Variants in IL11 observed in about 807,000 individuals in gnomAD.
The protein encoded by IL11 is interleukin-11.
In IL11, 17 loss-of-function variants were observed where a neutral mutation model predicts 18.1. That is an observed-to-expected ratio of 0.94 (90% CI 0.64 to 1.41). IL11 has a LOEUF of 1.41. Among genes scored for constraint, IL11 ranks in the 40% most tolerant of loss-of-function variants. IL11 has a pLI of 0.00. For missense variants in IL11, 309 were observed against 262.8 expected, an observed-to-expected ratio of 1.18 and a Z score of -1.22; for synonymous variants, 144 against 134.1, an observed-to-expected ratio of 1.07 and a Z score of -0.51.
chr19:55,368,747 GC>G, intron 2 of IL11, 21 bp downstream of exon 2: 2 of 1,558,646 alleles, frequency 1.3e-6, no homozygotes, highest in Non-Finnish European at 8.7e-7. Flanking sequence ...TCCTGTGCTG[GC>G]CCCAGCCCAG....
rs1375202145 is a variant in IL11 at position 55,368,236 on chromosome 19, G to A, written c.403C>T (p.Arg135Trp). 19 of 1,538,556 alleles carry A rather than the reference G, an allele frequency of 1.2e-5. No homozygotes were observed. The highest frequency in any genetic ancestry group is 1.7e-5 in the Non-Finnish European group (19 of 1,139,268). ...AGGAGCTGCAGCCGGCGCAGCAGCC[G>A]GTCCAGTCGGGCCTGCAGGGTGCCC... ...ELGTLQARLD[R>W]LLRRLQLLMS... The change falls in exon 4 of 5, where the codon CGG becomes TGG. Residue 135 changes from arginine to tryptophan, a missense_variant. Arg to Trp is a moderately radical substitution (Grantham distance 101). Coordinates refer to ENST00000264563, the MANE Select transcript of IL11 (RefSeq NM_000641.4).
chr19:55,368,395 G>A (rs1252480862), intron 3 of IL11, 24 bp from the exon 4 acceptor site: 1 of 1,588,938 alleles, frequency 6.3e-7, no homozygotes, highest in East Asian at 2.3e-5. Context: ...CGGGACATCA[G>A]AGAACACCCG....
rs1237450803 is a variant in IL11 at position 55,368,228 on chromosome 19, C to G, written c.411G>C (p.Leu137=). ...GTLQARLDRL[L]RRLQLLMSRL... ...GACATACCAGGAGCTGCAGCCGGCG[C>G]AGCAGCCGGTCCAGTCGGGCCTGCA... The change falls in exon 4 of 5, where the codon CTG becomes CTC. Residue 137 remains leucine (L), a synonymous_variant. Coordinates refer to ENST00000264563, the MANE Select transcript of IL11 (RefSeq NM_000641.4). 4.6e-6 allele frequency: 7 copies of G among 1,534,616 alleles called. No individual in the cohort carries two copies. In the African/African-American group the frequency reaches 9.6e-5, roughly 21 times the overall value.
Position 55,368,902 on chromosome 19 carries a change from G to A in IL11, c.47C>T (p.Pro16Leu). Residue 16 changes from proline to leucine, a missense_variant, in exon 2 of 5, where the codon CCA becomes CTA. Physicochemically the swap from Pro to Leu is moderately conservative, Grantham distance 98. Coordinates refer to ENST00000264563, the MANE Select transcript of IL11 (RefSeq NM_000641.4). The part of the protein sequence containing the change: ...RLVLVVLSLW[P>L]DTAVAPGPPP... ...TGGCCCAGGGGCGACAGCTGTATCT[G>A]GCCACAGGCTCAGCACGACCAGGAC... The A allele has an allele frequency of 1.3e-6, 2 of 1,556,294 alleles. No individual in the cohort carries two copies. The highest frequency in any genetic ancestry group is 1.7e-6 in the Non-Finnish European group (2 of 1,148,964).
Position 55,368,248 on chromosome 19 carries a change from C to A in IL11, c.391G>T (p.Ala131Ser), listed in dbSNP as rs993838218. ...TLEPELGTLQARLDRLLRRLQ... is the reference protein window; with the variant it reads ...TLEPELGTLQSRLDRLLRRLQ... ...CGGCGCAGCAGCCGGTCCAGTCGGG[C>A]CTGCAGGGTGCCCAGCTCGGGCTCC... Residue 131 changes from alanine (A) to serine (S), a missense_variant, in exon 4 of 5, where the codon GCC becomes TCC. Coordinates refer to ENST00000264563, the MANE Select transcript of IL11 (RefSeq NM_000641.4). 3.2e-6 allele frequency: 5 copies of A among 1,546,718 alleles called. No individual in the cohort carries two copies. The Admixed American group carries it at 7.8e-5, about 24-fold the overall frequency.
At position 55,366,043 on chromosome 19, in the gene IL11, G is replaced by C. The variant is rs780734097; in HGVS notation, c.564C>G (p.Ala188=). The C allele has an allele frequency of 1.0e-5, 16 of 1,603,410 alleles. No individual in the cohort carries two copies. Among genetic ancestry groups the C allele is most frequent in the Non-Finnish European group, 1.3e-5 (15 of 1,176,178 alleles). Residue 188 remains alanine (A), a synonymous_variant, in exon 5 of 5, where the codon GCC becomes GCG. Transcript: ENST00000264563. The surrounding 1 kb of genome is among the most constrained non-coding windows in gnomAD (Gnocchi z 4.6). ...LGGLHLTLDW[A]VRGLLLLKTR... ...TCTTCAGCAGCAGCAGTCCCCTCAC[G>C]GCCCAGTCAAGTGTCAGGTGCAGCC...
chr19:55,368,769 C>G lies in IL11; in HGVS notation c.180G>C (p.Leu60=). ...LADTRQLAAQ[L]RDKFPADGDH... ...CTGGCCCCAGCCCAGTCTCTCCTAC[C>G]AGCTGTGCAGCCAGCTGCCGCGTGT... The change falls in exon 2 of 5, where the codon CTG becomes CTC. Residue 60 remains leucine, a splice_region_variant and synonymous_variant. Coordinates refer to ENST00000264563, the MANE Select transcript of IL11 (RefSeq NM_000641.4). The G allele has an allele frequency of 6.3e-7, 1 of 1,577,498 alleles. No homozygotes were observed.
In IL11 at chr19:55,368,484, T is replaced by C; in HGVS notation, c.266A>G (p.Gln89Arg). ...AMSAGALGAL[Q>R]LPGVLTRLRA... ...CCCAGCCCACTCCCTTGCCCTTACCTGTAGAGCTCCCAGTGCCCCCGCACT... is the reference window on the plus strand; with the variant it reads ...CCCAGCCCACTCCCTTGCCCTTACCCGTAGAGCTCCCAGTGCCCCCGCACT... Residue 89 changes from glutamine to arginine, a missense_variant and splice_region_variant, in exon 3 of 5, where the codon CAG becomes CGG. Gln to Arg is a conservative substitution (Grantham distance 43). Coordinates refer to ENST00000264563, the MANE Select transcript of IL11 (RefSeq NM_000641.4). The C allele has an allele frequency of 2.5e-6, 4 of 1,609,236 alleles. No homozygotes were observed. Among genetic ancestry groups the C allele is most frequent in the Non-Finnish European group, 3.4e-6 (4 of 1,177,446 alleles).
chr19:55,366,133 C>T lies in IL11; in HGVS notation c.474G>A (p.Ala158=), dbSNP rs771371821. The change falls in exon 5 of 5, where the codon GCG becomes GCA. Residue 158 remains alanine, a synonymous_variant. Transcript: ENST00000264563. This position sits in a 1 kb window ranked among gnomAD's most constrained non-coding sequence, Gnocchi z 4.6. ...ALPQPPPDPP[A]PPLAPPSSAW... Reference sequence around the variant, plus strand: ...CTGAGGAGGGGGGCGCCAGCGGGGGCGCCGGCGGGTCCGGGGGTGGCTGGG... The same window carrying T: ...CTGAGGAGGGGGGCGCCAGCGGGGGTGCCGGCGGGTCCGGGGGTGGCTGGG... 75 of 1,522,946 alleles carry T rather than the reference C, an allele frequency of 4.9e-5. No individual in the cohort carries two copies. Among genetic ancestry groups the T allele is most frequent in the African/African-American group, 9.8e-5 (7 of 71,478 alleles). 94.3% of individuals were successfully genotyped at this position (1,522,946 alleles called of 1,614,324 possible). A position where few individuals can be genotyped will look rare whatever the true frequency, so the allele number is the denominator to read the frequency against.
chr19:55,368,601 T>C, intron 2 of IL11, 32 bp from the exon 3 acceptor site: 1 of 1,575,296 alleles, frequency 6.3e-7, no homozygotes, highest in Non-Finnish European at 8.6e-7. Context: ...AGGTGGCCCC[T>C]GCCCAGCCTC....
chr19:55,366,101 C>G lies in IL11; in HGVS notation c.506G>C (p.Gly169Ala). 6.4e-7 allele frequency: 1 copy of G among 1,571,860 alleles called. No individual in the cohort carries two copies. Among genetic ancestry groups the G allele is most frequent in the Non-Finnish European group, 8.6e-7 (1 of 1,160,158 alleles). The stretch of plus-strand genomic sequence containing the variant: ...GATGGCGTGGGCGGCCCTGATGCCC[C>G]CCCAGGCTGAGGAGGGGGGCGCCAG... ...PPLAPPSSAW[G>A]GIRAAHAILG... The change falls in exon 5 of 5, where the codon GGG becomes GCG. Residue 169 changes from glycine (G) to alanine (A), a missense_variant. Transcript: ENST00000264563. This position sits in a 1 kb window ranked among gnomAD's most constrained non-coding sequence, Gnocchi z 4.6.
At position 55,368,368 on chromosome 19, in the gene IL11, G is replaced by C; in HGVS notation, c.271C>G (p.Pro91Ala). ...SAGALGALQL[P>A]GVLTRLRADL... ...GCTCGCAGCCTTGTCAGCACACCTG[G>C]GAGCTGGGGATAGAGCCGGGACATC... The change falls in exon 4 of 5, where the codon CCA becomes GCA. Residue 91 changes from proline (P) to alanine (A), a missense_variant. Physicochemically the swap from Pro to Ala is conservative, Grantham distance 27. Transcript: ENST00000264563. 6.3e-7 allele frequency: 1 copy of C among 1,595,786 alleles called. No homozygotes were observed. Among genetic ancestry groups the C allele is most frequent in the Middle Eastern group, 1.7e-4 (1 of 6,026 alleles).
rs1363387443 is a variant in IL11, at chr19:55,368,790, C to T, written c.159G>A (p.Thr53=). The T allele has an allele frequency of 6.3e-7, 1 of 1,588,978 alleles. No homozygotes were observed. Among genetic ancestry groups the T allele is most frequent in the Non-Finnish European group, 8.6e-7 (1 of 1,168,338 alleles). Reference sequence around the variant, plus strand: ...CTACCAGCTGTGCAGCCAGCTGCCGCGTGTCCGCCAGGAGAGAGCGGGTCA... The same window carrying T: ...CTACCAGCTGTGCAGCCAGCTGCCGTGTGTCCGCCAGGAGAGAGCGGGTCA... ...VLLTRSLLAD[T]RQLAAQLRDK... is the part of the protein sequence containing the mutation. The change falls in exon 2 of 5, where the codon ACG becomes ACA. Residue 53 remains threonine (T), a synonymous_variant. Transcript: ENST00000264563.
At position 55,366,098 on chromosome 19, in the gene IL11, C is replaced by G. The variant is rs530006295; in HGVS notation, c.509G>C (p.Gly170Ala). The G allele has an allele frequency of 6.4e-7, 1 of 1,568,490 alleles. No homozygotes were observed. Among genetic ancestry groups the G allele is most frequent in the Non-Finnish European group, 8.6e-7 (1 of 1,157,948 alleles). Residue 170 changes from glycine to alanine, a missense_variant, in exon 5 of 5, where the codon GGC becomes GCC. Transcript: ENST00000264563. The surrounding 1 kb of genome is among the most constrained non-coding windows in gnomAD (Gnocchi z 4.6). ...CAGGATGGCGTGGGCGGCCCTGATG[C>G]CCCCCCAGGCTGAGGAGGGGGGCGC... ...PLAPPSSAWG[G>A]IRAAHAILGG...
chr19:55,366,192 G>A lies in IL11; in HGVS notation c.430-15C>T, dbSNP rs990686298. The A allele has an allele frequency of 1.3e-5, 19 of 1,473,154 alleles. No homozygotes were observed. The highest frequency in any genetic ancestry group is 1.5e-5 in the Non-Finnish European group (17 of 1,112,628). The allele number at this position is 1,473,154 out of a possible 1,614,324, so 91.3% of individuals were successfully genotyped here. A position where few individuals can be genotyped will look rare whatever the true frequency, so the allele number is the denominator to read the frequency against. On this transcript the variant is annotated splice_polypyrimidine_tract_variant and intron_variant, in intron 4 of 4. Coordinates refer to ENST00000264563, the MANE Select transcript of IL11 (RefSeq NM_000641.4). The surrounding 1 kb of genome is among the most constrained non-coding windows in gnomAD (Gnocchi z 4.6). ...AGGCGGGACATCTGTGGGGAGAGGA[G>A]AGAGGTGAGTCACAGGTAGGGGGTG...
At position 55,368,514 on chromosome 19, in the gene IL11, G is replaced by A; in HGVS notation, c.236C>T (p.Ala79Val). The A allele has an allele frequency of 6.2e-7, 1 of 1,612,918 alleles. No homozygotes were observed. Among genetic ancestry groups the A allele is most frequent in the Non-Finnish European group, 8.5e-7 (1 of 1,179,598 alleles). ...DHNLDSLPTL[A>V]MSAGALGALQ... ...AGCTCCCAGTGCCCCCGCACTCATG[G>A]CCAGGGTGGGCAGGGAATCCAGGTT... Residue 79 changes from alanine to valine, a missense_variant, in exon 3 of 5, where the codon GCC (alanine) becomes GTC (valine). Ala to Val is a moderately conservative substitution (Grantham distance 64). Coordinates refer to ENST00000264563, the MANE Select transcript of IL11 (RefSeq NM_000641.4).
At chr19:55,368,630 C>G (rs2089801537) in intron 2 of IL11, 61 bp from the exon 3 acceptor site, 14 of 1,519,060 alleles carry the variant, frequency 9.2e-6, no homozygotes, top group African/African-American at 2.7e-5. Context: ...CTCCATCCCC[C>G]ACGCCAGGCC....
At chr19:55,368,085 G>A in intron 4 of IL11, 125 bp downstream of exon 4, 1 of 795,374 alleles carries the variant, frequency 1.3e-6, no homozygotes, top group Non-Finnish European at 2.0e-6. Flanking sequence ...CTGTTAGGGT[G>A]TCAGGGTCTC....
At chr19:55,367,831 T>C (rs1404430736) in intron 4 of IL11, among the ~76,000 whole-genome samples, 1 of 151,778 alleles carries the variant, frequency 6.6e-6, no homozygotes, top group Non-Finnish European at 1.5e-5. Context: ...TTCTCAAGGC[T>C]TTGGGCTTCA....
Sources: allele counts gnomAD v4.1 joint callset (sites outside exome capture counted in the v4.1 genomes callset), GRCh38; gene constraint gnomAD v4.1.1; non-coding constraint Gnocchi (gnomAD v3.1); transcripts MANE v1.5; gene names NCBI Gene and HGNC (gene_info 2026-07-23, HGNC 2026-07-21).